Variants in ESYT3 observed in about 807,000 individuals in gnomAD.
ESYT3 encodes extended synaptotagmin 3.
In ESYT3, 101 loss-of-function variants were observed where a neutral mutation model predicts 111.5. The ratio of observed to expected loss-of-function variants is 0.91; its 90% CI spans 0.77 to 1.07. The LOEUF is 1.07. Among genes scored for constraint, ESYT3 ranks in the 50% least tolerant of loss-of-function variants. The probability of loss-of-function intolerance (pLI) is 0.00; values close to 1 mark genes in which losing one functional copy is unlikely to be tolerated. For missense variants in ESYT3, 1,097 were observed against 1,109.4 expected (o/e 0.99, Z 0.16); for synonymous variants, 416 against 446.8 (o/e 0.93, Z 0.87).
chr3:138,466,526 C>T (rs2032937001), intron 10 of ESYT3, among the ~76,000 whole-genome samples: 1 of 152,056 alleles, frequency 6.6e-6, no homozygotes, highest in African/African-American at 2.4e-5. Flanking sequence ...GTGGGTCATG[C>T]TTTATGTATT....
intron 8 of ESYT3, 91 bp from the exon 9 acceptor site, chr3:138,464,254 A>C: frequency 1.4e-6 from 2 of 1,435,992 alleles, no homozygotes. Context: ...ATATGGGGGC[A>C]GCAGTGATCT....
chr3:138,437,838 G>A (rs2030837656), intron 1 of ESYT3, among the ~76,000 whole-genome samples: 1 of 152,064 alleles, frequency 6.6e-6, no homozygotes, highest in African/African-American at 2.4e-5. Flanking sequence ...GTGCTTTCTG[G>A]TTTAGGGAGC....
At chr3:138,445,456 G>A (rs1431690327) in intron 1 of ESYT3, among the ~76,000 whole-genome samples, 2 of 152,222 alleles carry the variant, frequency 1.3e-5, no homozygotes, top group Admixed American at 6.5e-5. Context: ...CTGAGCCACA[G>A]ATCCCTGGGC....
At chr3:138,459,120 T>C (rs1362218418) in intron 4 of ESYT3, 67 bp from the exon 5 acceptor site, 2 of 1,357,688 alleles carry the variant, frequency 1.5e-6, no homozygotes, top group Non-Finnish European at 2.0e-6. Context: ...TGGGCAAGTT[T>C]CCCAACCTTT....
chr3:138,442,822 CAATTT>C (rs751992573), intron 1 of ESYT3, among the ~76,000 whole-genome samples: 25 of 152,186 alleles, frequency 1.6e-4, no homozygotes, highest in Admixed American at 2.6e-4. Flanking sequence ...CCACATTTCT[CAATTT>C]AATTAGTATG....
chr3:138,460,904 T>C (rs896848567), intron 7 of ESYT3, among the ~76,000 whole-genome samples: 2 of 152,080 alleles, frequency 1.3e-5, no homozygotes, highest in African/African-American at 4.8e-5. Flanking sequence ...ACCACACCCA[T>C]GTAGTGGGCA....
At chr3:138,464,898 G>T (rs139978726) in intron 9 of ESYT3, among the ~76,000 whole-genome samples, 212 of 152,306 alleles carry the variant, frequency 1.4e-3, no homozygotes, top group African/African-American at 4.9e-3. Flanking sequence ...AAGCCCCCCA[G>T]ATTACACGCT....
chr3:138,469,845 G>A (rs551081924), intron 15 of ESYT3, among the ~76,000 whole-genome samples: 26 of 152,208 alleles, frequency 1.7e-4, no homozygotes, highest in Admixed American at 1.6e-3. Context: ...ATGATTTTCA[G>A]CTCCCCCGTA....
intron 10 of ESYT3, 80 bp from the exon 11 acceptor site, chr3:138,467,481 A>G: frequency 7.2e-7 from 1 of 1,397,922 alleles, no homozygotes; most frequent in Admixed American, 1.7e-5. Flanking sequence ...ATCTGAAAAC[A>G]GAGTCCAGTG....
At chr3:138,458,405 C>T (rs1050116895) in intron 4 of ESYT3, among the ~76,000 whole-genome samples, 2 of 152,218 alleles carry the variant, frequency 1.3e-5, no homozygotes, top group East Asian at 1.9e-4. Flanking sequence ...CAGGGCACAT[C>T]GAGGTTGTGT....
rs11268903 is a variant in ESYT3 at position 138,443,736 on chromosome 3, C to CTGTGTGTGTGTGTGTG, written c.328-8307_328-8292dup. 7.5e-3 allele frequency among the ~76,000 whole-genome samples: 1,112 copies of CTGTGTGTGTGTGTGTG among 147,972 alleles called. 19 individuals are homozygous for CTGTGTGTGTGTGTGTG. The highest frequency in any genetic ancestry group is 0.025 in the African/African-American group (994 of 39,964). On this transcript the variant is annotated intron_variant, in intron 1 of 22. Transcript: ENST00000389567. Reference sequence around the variant, plus strand: ...TGTCCACACATCTGTGTTTGTGCATCTGTGTGTGTGTGTGTGTGTGACATG... The same window carrying CTGTGTGTGTGTGTGTG: ...TGTCCACACATCTGTGTTTGTGCATCTGTGTGTGTGTGTGTGTGTGTGTGTGTGTGTGTGTGACATG...
intron 1 of ESYT3, among the ~76,000 whole-genome samples, chr3:138,450,216 A>G (rs185469889): frequency 1.2e-3 from 176 of 152,364 alleles, no homozygotes; most frequent in Admixed American, 2.9e-3. Context: ...CGATGAGGCC[A>G]TGACATGAGC....
intron 11 of ESYT3, among the ~76,000 whole-genome samples, 173 bp from the exon 12 acceptor site, chr3:138,467,932 C>A (rs999634266): frequency 6.6e-6 from 1 of 152,058 alleles, no homozygotes; most frequent in Non-Finnish European, 1.5e-5. Context: ...ACCACATCTC[C>A]CAGTCCCTCT....
At chr3:138,470,761 C>T (rs907636303) in intron 16 of ESYT3, 116 bp from the exon 17 acceptor site, 8 of 1,542,832 alleles carry the variant, frequency 5.2e-6, no homozygotes, top group Non-Finnish European at 7.0e-6. Context: ...GGACCAGATG[C>T]CCATAGAAGC....
intron 1 of ESYT3, among the ~76,000 whole-genome samples, chr3:138,441,491 C>T (rs1367350299): frequency 2.0e-5 from 3 of 152,136 alleles, no homozygotes; most frequent in Non-Finnish European, 2.9e-5. Flanking sequence ...GCAGAGATGG[C>T]ACTTCTGTGG....
At chr3:138,448,478 T>C (rs182418417) in intron 1 of ESYT3, among the ~76,000 whole-genome samples, 3 of 152,084 alleles carry the variant, frequency 2.0e-5, no homozygotes, top group Non-Finnish European at 4.4e-5. Context: ...GATGCAATTT[T>C]TTTTTTATGT....
In ESYT3 at chr3:138,479,607, T is replaced by C. The variant is rs1179188946; in HGVS notation, c.*2753T>C. On this transcript the variant is annotated 3_prime_UTR_variant, in exon 23 of 23. Transcript: ENST00000389567. ...ATGTTTTCCATGGCTGCTAGCTAAT[T>C]GGCATACAGAGCTGTTCTCAATCAA... 7.7e-6 allele frequency: 1 copy of C among 130,536 alleles called. No homozygotes were observed. Among genetic ancestry groups the C allele is most frequent in the Non-Finnish European group, 1.6e-5 (1 of 62,042 alleles). 8.1% of individuals were successfully genotyped at this position (130,536 alleles called of 1,614,324 possible).
At position 138,470,930 on chromosome 3, in the gene ESYT3, C is replaced by G. The variant is rs1188555936; in HGVS notation, c.1644C>G (p.Cys548Trp). The change falls in exon 17 of 23, where the codon TGC becomes TGG. Residue 548 changes from cysteine to tryptophan, a missense_variant. Coordinates refer to ENST00000389567, the MANE Select transcript of ESYT3 (RefSeq NM_031913.5). ...TGGGAATGCTGGAGGTCCCCCTGTG[C>G]CAGATCCTCCCCTATGCTGACCTCA... Reference protein sequence around the residue: ...CALGMLEVPLCQILPYADLTL... With the variant: ...CALGMLEVPLWQILPYADLTL... The G allele has an allele frequency of 6.2e-7, 1 of 1,614,120 alleles. No individual in the cohort carries two copies. Among genetic ancestry groups the G allele is most frequent in the South Asian group, 1.1e-5 (1 of 91,076 alleles).
At chr3:138,452,000 C>T in intron 1 of ESYT3, 48 bp from the exon 2 acceptor site, 1 of 1,604,854 alleles carries the variant, frequency 6.2e-7, no homozygotes, top group Non-Finnish European at 8.5e-7. Flanking sequence ...TGGTTCCCAG[C>T]GGGTGTGCGG....
Sources: gnomAD v4.1 joint callset for allele counts (sites outside exome capture counted in the v4.1 genomes callset) on GRCh38, gnomAD v4.1.1 for gene constraint, MANE v1.5 for transcripts, NCBI Gene and HGNC (gene_info 2026-07-23, HGNC 2026-07-21) for gene names.